Variants in CTNNA3 observed in about 807,000 individuals in gnomAD.
CTNNA3 encodes catenin alpha 3, also known as catenin alpha-3.
In CTNNA3, 76 loss-of-function variants were observed where a neutral mutation model predicts 95.7. That is an observed-to-expected ratio of 0.79 (90% CI 0.66 to 0.96). CTNNA3 has a LOEUF of 0.96. CTNNA3 is among the 40% of genes least tolerant of loss of function. The pLI is 0.00. For missense variants in CTNNA3, 1,191 were observed against 1,089.8 expected (o/e 1.09, Z -1.31); for synonymous variants, 431 against 374.4 (o/e 1.15, Z -1.74).
At chr10:66,961,309 G>A (rs987952820) in intron 7 of CTNNA3, among the ~76,000 whole-genome samples, 1 of 151,988 alleles carries the variant, frequency 6.6e-6, no homozygotes, top group Non-Finnish European at 1.5e-5. Context: ...TACCAAAACT[G>A]CTCCCCTTAA....
intron 6 of CTNNA3, among the ~76,000 whole-genome samples, chr10:67,216,522 A>G (rs140156620): frequency 7.2e-5 from 11 of 152,324 alleles, no homozygotes; most frequent in Middle Eastern, 3.4e-3. Context: ...GTATTATTGC[A>G]TTCATTCATT....
chr10:66,708,150 C>G (rs1455872367), intron 9 of CTNNA3, among the ~76,000 whole-genome samples: 1 of 151,884 alleles, frequency 6.6e-6, no homozygotes, highest in Non-Finnish European at 1.5e-5. Context: ...CTGGCAAGAG[C>G]CTTTCCTGGG....
At chr10:66,073,991 T>C (rs1276100566) in intron 14 of CTNNA3, among the ~76,000 whole-genome samples, 1 of 152,028 alleles carries the variant, frequency 6.6e-6, no homozygotes, top group Non-Finnish European at 1.5e-5. Flanking sequence ...CTCGGAAGCC[T>C]CCTTCTATCT....
chr10:67,726,595 A>G (rs1263093501), intron 1 of CTNNA3, among the ~76,000 whole-genome samples: 6 of 43,868 alleles, frequency 1.4e-4, no homozygotes, highest in East Asian at 9.5e-4. Context: ...ATGTAATATT[A>G]TATTACATAT....
intron 16 of CTNNA3, among the ~76,000 whole-genome samples, chr10:65,976,834 T>C (rs1412658720): frequency 2.0e-5 from 3 of 152,122 alleles, no homozygotes; most frequent in African/African-American, 7.2e-5. Context: ...TTTTTTTCTA[T>C]TGAGTTCTGC....
Position 66,188,765 on chromosome 10 carries a change from C to T in CTNNA3, c.1885-85516G>A, listed in dbSNP as rs139100891. The stretch of plus-strand genomic sequence containing the variant: ...AGTAATGACTCCCAGATTGCTCGGT[C>T]ATATTGTAGTTCTATTTTTAGTTTC... On this transcript the variant is annotated intron_variant, in intron 13 of 17. Transcript: ENST00000433211. Among the ~76,000 whole-genome samples the T allele has an allele frequency of 2.8e-4, 43 of 152,118 alleles. 1 individual carries two copies. The East Asian group carries it at 7.9e-3, about 28-fold the overall frequency.
chr10:67,564,609 T>C (rs866234321), intron 3 of CTNNA3, among the ~76,000 whole-genome samples: 29 of 138,824 alleles, frequency 2.1e-4, no homozygotes, highest in Middle Eastern at 3.6e-3. Flanking sequence ...AACCTGCACG[T>C]TGTGCACATG....
intron 12 of CTNNA3, among the ~76,000 whole-genome samples, chr10:66,306,344 G>A (rs74141419): frequency 6.6e-6 from 1 of 152,098 alleles, no homozygotes; most frequent in African/African-American, 2.4e-5. Flanking sequence ...TCCCTGTTCT[G>A]AGTCTTCTTT....
intron 7 of CTNNA3, among the ~76,000 whole-genome samples, chr10:67,102,134 CA>C (rs1858380997): frequency 6.6e-6 from 1 of 151,722 alleles, no homozygotes; most frequent in Non-Finnish European, 1.5e-5. Context: ...ATTGGTCTTG[CA>C]ATAAGAAAGA....
At chr10:66,414,694 T>C (rs1295601242) in intron 11 of CTNNA3, among the ~76,000 whole-genome samples, 1 of 152,124 alleles carries the variant, frequency 6.6e-6, no homozygotes, top group East Asian at 1.9e-4. Context: ...CCAGGAATGC[T>C]GAGGCTAATG....
chr10:67,712,337 AAAT>A (rs769024785), intron 1 of CTNNA3, among the ~76,000 whole-genome samples: 38 of 152,370 alleles, frequency 2.5e-4, no homozygotes, highest in Middle Eastern at 3.4e-3. Flanking sequence ...AAATTTGCAT[AAAT>A]AATGAGGAGC....
intron 9 of CTNNA3, among the ~76,000 whole-genome samples, chr10:66,644,845 T>A (rs189853078): frequency 9.2e-5 from 14 of 152,230 alleles, no homozygotes; most frequent in Admixed American, 9.2e-4. Flanking sequence ...TGTTGAACAG[T>A]TCCCACACCA....
chr10:66,922,572 C>G (rs376753037), intron 7 of CTNNA3, among the ~76,000 whole-genome samples: 5 of 152,252 alleles, frequency 3.3e-5, no homozygotes, highest in African/African-American at 1.2e-4. Flanking sequence ...CAGATCAGAC[C>G]TGGTTGTGAT....
At chr10:66,067,842 A>G (rs1589319709) in intron 15 of CTNNA3, among the ~76,000 whole-genome samples, 2 of 152,070 alleles carry the variant, frequency 1.3e-5, no homozygotes, top group Non-Finnish European at 2.9e-5. Context: ...TTTGAACCCC[A>G]AAGGCAGAGG....
At chr10:66,597,521 T>C (rs1279447640) in intron 10 of CTNNA3, among the ~76,000 whole-genome samples, 5 of 88,138 alleles carry the variant, frequency 5.7e-5, no homozygotes, top group African/African-American at 1.8e-4. Flanking sequence ...CATATATATA[T>C]ATATATATAT....
At chr10:66,565,279 T>A (rs1842670926) in intron 10 of CTNNA3, among the ~76,000 whole-genome samples, 1 of 152,112 alleles carries the variant, frequency 6.6e-6, no homozygotes, top group African/African-American at 2.4e-5. Context: ...CTAGCACCAT[T>A]TTACGTTCTG....
intron 17 of CTNNA3, among the ~76,000 whole-genome samples, chr10:65,948,339 C>A (rs1474753259): frequency 1.3e-5 from 2 of 151,806 alleles, no homozygotes; most frequent in East Asian, 1.9e-4. Context: ...CATGCACACC[C>A]CCCCCAACAT....
Position 66,928,030 on chromosome 10 carries a change from G to T in CTNNA3, c.1048-152506C>A, listed in dbSNP as rs780867404. The stretch of plus-strand genomic sequence containing the variant: ...AAGTACTACAGAGAGGTTTGATCTG[G>T]CCAGGGCTCTCCCAAAGCCGACGTT... On this transcript the variant is annotated intron_variant, in intron 7 of 17. Coordinates refer to ENST00000433211, the MANE Select transcript of CTNNA3 (RefSeq NM_013266.4). 9.3e-6 allele frequency: 15 copies of T among 1,613,952 alleles called. No homozygotes were observed. The African/African-American group carries it at 1.9e-4, about 20-fold the overall frequency.
intron 10 of CTNNA3, among the ~76,000 whole-genome samples, chr10:66,594,798 T>G (rs1843658373): frequency 6.6e-6 from 1 of 152,168 alleles, no homozygotes; most frequent in African/African-American, 2.4e-5. Context: ...GAATCTTAAC[T>G]CTTGAGCTTC....
Sources: gnomAD v4.1 joint callset for allele counts (sites outside exome capture counted in the v4.1 genomes callset) on GRCh38, gnomAD v4.1.1 for gene constraint, MANE v1.5 for transcripts, NCBI Gene and HGNC (gene_info 2026-07-23, HGNC 2026-07-21) for gene names.